DCHS2: variants seen among roughly 807,000 people sequenced by gnomAD.
DCHS2 encodes the protein dachsous cadherin-related 2, also known as protocadherin-23.
In DCHS2, 142 loss-of-function variants were observed where a neutral mutation model predicts 182.4. That is an observed-to-expected ratio of 0.78 (90% CI 0.68 to 0.89). The LOEUF (loss-of-function observed/expected upper bound fraction) is 0.89. DCHS2 is among the 40% of genes least tolerant of loss of function. The probability of loss-of-function intolerance (pLI) is 0.00; values close to 1 mark genes in which losing one functional copy is unlikely to be tolerated. For missense variants in DCHS2, 4,319 were observed against 4,198.6 expected, an observed-to-expected ratio of 1.03 and a Z score of -0.79; for synonymous variants, 1,740 against 1,663.3, an observed-to-expected ratio of 1.05 and a Z score of -1.12.
At chr4:154,332,377 C>T in intron 5 of DCHS2, 101 bp downstream of exon 5, 1 of 1,111,888 alleles carries the variant, frequency 9.0e-7, no homozygotes, top group East Asian at 2.6e-5. Flanking sequence ...TTTCTCAATC[C>T]TGATTTTGTT....
At chr4:154,477,130 A>C (rs1334888333) in intron 1 of DCHS2, among the ~76,000 whole-genome samples, 1 of 152,158 alleles carries the variant, frequency 6.6e-6, no homozygotes, top group African/African-American at 2.4e-5. Context: ...ATGGTTCTGG[A>C]GGCTGAAAGT....
intron 1 of DCHS2, among the ~76,000 whole-genome samples, chr4:154,407,958 C>T (rs529592658): frequency 2.0e-5 from 3 of 152,236 alleles, no homozygotes; most frequent in East Asian, 3.9e-4. Flanking sequence ...TAGACCCTCC[C>T]TGCTGCTCCT....
intron 13 of DCHS2, among the ~76,000 whole-genome samples, chr4:154,280,476 A>G (rs955236820): frequency 9.2e-5 from 14 of 152,160 alleles, no homozygotes; most frequent in African/African-American, 3.4e-4. Flanking sequence ...ATTTATCAAT[A>G]AAATACTAGC....
chr4:154,271,148 G>A (rs1344033556), intron 13 of DCHS2, among the ~76,000 whole-genome samples: 1 of 152,124 alleles, frequency 6.6e-6, no homozygotes, highest in Admixed American at 6.5e-5. Flanking sequence ...AATAAGGCAG[G>A]AGTGGGGAAT....
At chr4:154,358,095 C>T (rs924752164) in intron 3 of DCHS2, among the ~76,000 whole-genome samples, 2 of 152,100 alleles carry the variant, frequency 1.3e-5, no homozygotes, top group Non-Finnish European at 1.5e-5. Flanking sequence ...AGGTGGATCT[C>T]CTTTGTAAAT....
intron 1 of DCHS2, among the ~76,000 whole-genome samples, chr4:154,397,064 C>A (rs903032456): frequency 6.6e-6 from 1 of 152,208 alleles, no homozygotes; most frequent in Admixed American, 6.5e-5. Context: ...GAATGTCTAA[C>A]TCATGTTCAT....
At chr4:154,489,200 G>C (rs979370945) in intron 1 of DCHS2, 104 bp downstream of exon 1, 2 of 983,654 alleles carry the variant, frequency 2.0e-6, no homozygotes, top group Admixed American at 6.0e-5. Flanking sequence ...TTGTATTTGA[G>C]AGCCGGAATA....
intron 16 of DCHS2, among the ~76,000 whole-genome samples, chr4:154,250,328 A>T (rs1044532649): frequency 6.6e-6 from 1 of 152,112 alleles, no homozygotes; most frequent in Admixed American, 6.5e-5. Flanking sequence ...TATCGGCCGA[A>T]TCCTGAGGTG....
chr4:154,311,785 A>G (rs999297674), intron 10 of DCHS2, among the ~76,000 whole-genome samples: 1 of 152,164 alleles, frequency 6.6e-6, no homozygotes, highest in African/African-American at 2.4e-5. Flanking sequence ...AAATGTATTA[A>G]TAGATAAAAA....
chr4:154,322,275 T>G, intron 8 of DCHS2, 56 bp downstream of exon 8: 5 of 1,607,296 alleles, frequency 3.1e-6, no homozygotes, highest in East Asian at 2.2e-5. Context: ...AAACTTGTAA[T>G]GAAAGTCAAA....
intron 1 of DCHS2, among the ~76,000 whole-genome samples, chr4:154,421,952 A>G (rs896473891): frequency 6.6e-6 from 1 of 152,214 alleles, no homozygotes; most frequent in Admixed American, 6.5e-5. Context: ...TACATCCAAT[A>G]AACATTTTCT....
chr4:154,322,800 C>T, intron 7 of DCHS2: 1 of 261,946 alleles, frequency 3.8e-6, no homozygotes, highest in South Asian at 8.2e-5. Context: ...TCGCTTCTCC[C>T]ATTTTTTTTG....
At chr4:154,249,826 A>T (rs1732266206) in intron 16 of DCHS2, among the ~76,000 whole-genome samples, 1 of 152,074 alleles carries the variant, frequency 6.6e-6, no homozygotes, top group Non-Finnish European at 1.5e-5. Flanking sequence ...TCTCACTTAC[A>T]AATGGGAGCT....
intron 10 of DCHS2, among the ~76,000 whole-genome samples, chr4:154,312,452 G>A (rs1305052590): frequency 3.3e-5 from 5 of 152,226 alleles, no homozygotes; most frequent in Admixed American, 2.0e-4. Context: ...GGGAGGTGGA[G>A]GCTGGAGGAT....
At position 154,235,769 on chromosome 4, in the gene DCHS2, A is replaced by C; in HGVS notation, c.8883T>G (p.His2961Gln). 1 of 1,613,952 alleles carries C rather than the reference A, an allele frequency of 6.2e-7. No individual in the cohort carries two copies. The highest frequency in any genetic ancestry group is 8.5e-7 in the Non-Finnish European group (1 of 1,179,878). The change falls in exon 20 of 20, where the codon CAT (histidine) becomes CAG (glutamine). Residue 2961 changes from histidine to glutamine, a missense_variant. Coordinates refer to ENST00000357232, the MANE Select transcript of DCHS2 (RefSeq NM_001358235.2). ...EDTLEMKIIAHSPKSDSKFAS... is the reference protein window; with the variant it reads ...EDTLEMKIIAQSPKSDSKFAS... ...CAAACTTGGAATCTGATTTGGGACT[A>C]TGAGCGATTATTTTCATTTCCAAGG...
chr4:154,341,368 CA>C (rs369958308), intron 3 of DCHS2, among the ~76,000 whole-genome samples: 1,151 of 58,548 alleles, frequency 0.02, 12 homozygotes, highest in African/African-American at 0.058. Context: ...GACTCTGTCT[CA>C]AAAAAAAAAA....
intron 1 of DCHS2, among the ~76,000 whole-genome samples, chr4:154,410,863 T>G (rs979883379): frequency 6.6e-6 from 1 of 152,166 alleles, no homozygotes; most frequent in Non-Finnish European, 1.5e-5. Context: ...CAAAGAATTT[T>G]TAAAGCAGCA....
Position 154,234,408 on chromosome 4 carries a change from A to G in DCHS2, c.*128T>C. On this transcript the variant is annotated 3_prime_UTR_variant, in exon 20 of 20. Coordinates refer to ENST00000357232, the MANE Select transcript of DCHS2 (RefSeq NM_001358235.2). ...AGAAACTTTAATGGGGAAGTTTTAA[A>G]AACTCTAACTAAATTACATCACTTG... is the stretch of plus-strand genomic sequence containing the variant. 7.5e-7 allele frequency: 1 copy of G among 1,327,156 alleles called. No individual in the cohort carries two copies. Among genetic ancestry groups the G allele is most frequent in the South Asian group, 1.7e-5 (1 of 58,164 alleles). 82.2% of individuals were successfully genotyped at this position (1,327,156 alleles called of 1,614,324 possible).
chr4:154,350,170 C>CTA (rs1303404889), intron 3 of DCHS2, among the ~76,000 whole-genome samples: 5 of 152,204 alleles, frequency 3.3e-5, no homozygotes, highest in Non-Finnish European at 7.3e-5. Context: ...AAAGAAAGAA[C>CTA]TGTAGCATGA....
Sources: gnomAD v4.1 joint callset for allele counts (sites outside exome capture counted in the v4.1 genomes callset) on GRCh38, gnomAD v4.1.1 for gene constraint, MANE v1.5 for transcripts, NCBI Gene and HGNC (gene_info 2026-07-23, HGNC 2026-07-21) for gene names.